Variants in CACNA1C observed in about 807,000 individuals in gnomAD.
The protein encoded by CACNA1C is calcium voltage-gated channel subunit alpha1 C.
CACNA1C carries 30 observed loss-of-function variants against 229.0 expected under a neutral mutation model. The observed-to-expected ratio is 0.13, with a 90% CI of 0.10 to 0.18. The LOEUF (loss-of-function observed/expected upper bound fraction) is 0.18, where lower values mean the gene tolerates loss of function less well. Among genes scored for constraint, CACNA1C ranks in the 10% least tolerant of loss-of-function variants. The pLI is 1.00. For missense variants in CACNA1C, 1,658 were observed against 2,845.0 expected, an observed-to-expected ratio of 0.58 and a Z score of 9.49; for synonymous variants, 1,114 against 1,132.5, an observed-to-expected ratio of 0.98 and a Z score of 0.33.
At chr12:2,355,675 C>T (rs2097340336) in intron 3 of CACNA1C, among the ~76,000 whole-genome samples, 1 of 152,214 alleles carries the variant, frequency 6.6e-6, no homozygotes, top group Non-Finnish European at 1.5e-5. Context: ...ATTTAACTTC[C>T]TATTACAGCT....
chr12:2,682,508 G>T (rs757929826), intron 42 of CACNA1C, 42 bp from the exon 43 acceptor site: 2 of 1,600,974 alleles, frequency 1.2e-6, no homozygotes, highest in South Asian at 1.1e-5. Context: ...GTGGAGGAAG[G>T]TTGGCAGTTT....
intron 3 of CACNA1C, among the ~76,000 whole-genome samples, chr12:2,228,342 T>C (rs1462097180): frequency 6.6e-6 from 1 of 152,202 alleles, no homozygotes; most frequent in African/African-American, 2.4e-5. Flanking sequence ...TAGGTACTTC[T>C]TTATCTTACA....
intron 3 of CACNA1C, among the ~76,000 whole-genome samples, chr12:2,150,356 C>T (rs2095126880): frequency 6.6e-6 from 1 of 152,210 alleles, no homozygotes; most frequent in Non-Finnish European, 1.5e-5. Flanking sequence ...TGAATGTCAC[C>T]TCCATTCCCC....
intron 1 of CACNA1C, among the ~76,000 whole-genome samples, chr12:2,036,303 C>T (rs1251044127): frequency 6.6e-6 from 1 of 152,186 alleles, no homozygotes; most frequent in Non-Finnish European, 1.5e-5. Context: ...CCACTCACAG[C>T]TGGACCTTCC....
At chr12:2,143,526 G>A (rs1442046053) in intron 3 of CACNA1C, among the ~76,000 whole-genome samples, 1 of 150,892 alleles carries the variant, frequency 6.6e-6, no homozygotes, top group African/African-American at 2.4e-5. Flanking sequence ...ACTTACCATT[G>A]TGCGACAGTT....
Position 2,275,591 on chromosome 12 carries a change from T to C in CACNA1C, c.477+155161T>C, listed in dbSNP as rs1010043514. Among the ~76,000 whole-genome samples, 4 of 151,954 alleles carry C rather than the reference T, an allele frequency of 2.6e-5. No individual in the cohort carries two copies. The highest frequency in any genetic ancestry group is 9.7e-5 in the African/African-American group (4 of 41,358). On this transcript the variant is annotated intron_variant, in intron 3 of 46. Transcript: ENST00000399655. This position sits in a 1 kb window ranked among gnomAD's most constrained non-coding sequence, Gnocchi z 4.1. ...GCACCTGCTTGTGGAGCCTGTGTCA[T>C]GGAAGAGAGGTGGCCTGACCACTCT... is the stretch of plus-strand genomic sequence containing the variant.
intron 7 of CACNA1C, among the ~76,000 whole-genome samples, chr12:2,501,468 G>T (rs954294124): frequency 6.6e-6 from 1 of 152,168 alleles, no homozygotes; most frequent in East Asian, 1.9e-4. Context: ...TACACAAGTA[G>T]GCGCTCGGTA....
intron 3 of CACNA1C, among the ~76,000 whole-genome samples, chr12:2,195,729 G>T (rs543074827): frequency 2.0e-5 from 3 of 152,268 alleles, no homozygotes; most frequent in African/African-American, 7.2e-5. Context: ...TATTACTCTA[G>T]CTCTCGCTCT....
chr12:2,643,611 C>CGCT (rs2093992314), intron 30 of CACNA1C, among the ~76,000 whole-genome samples: 2 of 152,258 alleles, frequency 1.3e-5, no homozygotes, highest in Admixed American at 1.3e-4. Context: ...TGTCTTGCCC[C>CGCT]GCTGCCATAC....
rs959565531 is a variant in CACNA1C at position 2,639,034 on chromosome 12, G to C, written c.3912+4654G>C. Among the ~76,000 whole-genome samples, 6 of 152,202 alleles carry C rather than the reference G, an allele frequency of 3.9e-5. No individual in the cohort carries two copies. Among genetic ancestry groups the C allele is most frequent in the African/African-American group, 4.8e-5 (2 of 41,444 alleles). Reference sequence around the variant, plus strand: ...CTCTGGCGCGAGGAGATCGGGACCCGCAAACTTCTGTTCATCTGGGAGATG... The same window carrying C: ...CTCTGGCGCGAGGAGATCGGGACCCCCAAACTTCTGTTCATCTGGGAGATG... On this transcript the variant is annotated intron_variant, in intron 30 of 46. Transcript: ENST00000399655. The surrounding 1 kb of genome is among the most constrained non-coding windows in gnomAD (Gnocchi z 4.2).
chr12:2,532,176 C>A (rs920333181), intron 9 of CACNA1C, among the ~76,000 whole-genome samples: 5 of 152,216 alleles, frequency 3.3e-5, no homozygotes, highest in African/African-American at 1.2e-4. Context: ...TCTTTTCCCA[C>A]CTCTTCTCCC....
intron 9 of CACNA1C, among the ~76,000 whole-genome samples, chr12:2,518,653 C>A (rs2099803239): frequency 6.6e-6 from 1 of 152,076 alleles, no homozygotes; most frequent in African/African-American, 2.4e-5. Flanking sequence ...ATCTAGATCT[C>A]TCGATACCTA....
chr12:1,974,540 G>GT (rs1565791499), intron 1 of CACNA1C, among the ~76,000 whole-genome samples: 1 of 152,076 alleles, frequency 6.6e-6, no homozygotes, highest in Non-Finnish European at 1.5e-5. Context: ...TTGACTACTT[G>GT]TTAGGCACTG....
At chr12:2,548,406 A>G (rs2099886713) in intron 9 of CACNA1C, among the ~76,000 whole-genome samples, 1 of 152,154 alleles carries the variant, frequency 6.6e-6, no homozygotes, top group South Asian at 2.1e-4. Context: ...AACATGCTAC[A>G]GGAGGTGTGA....
intron 3 of CACNA1C, among the ~76,000 whole-genome samples, chr12:2,158,561 A>G (rs2095666109): frequency 6.6e-6 from 1 of 152,174 alleles, no homozygotes; most frequent in Non-Finnish European, 1.5e-5. Flanking sequence ...GAAGAAATGT[A>G]TTACAAAAGG....
intron 1 of CACNA1C, among the ~76,000 whole-genome samples, chr12:2,063,592 C>T (rs1033890815): frequency 6.6e-6 from 1 of 152,198 alleles, no homozygotes; most frequent in Non-Finnish European, 1.5e-5. Flanking sequence ...AATTAGGGAG[C>T]TGGCTGTCAT....
chr12:2,680,017 C>T (rs1387239533), intron 42 of CACNA1C, among the ~76,000 whole-genome samples: 4 of 152,208 alleles, frequency 2.6e-5, no homozygotes, highest in South Asian at 2.1e-4. Flanking sequence ...CAGTGGCCTG[C>T]GGCGCTGGTT....
intron 3 of CACNA1C, among the ~76,000 whole-genome samples, chr12:2,162,244 C>T (rs2095904020): frequency 6.6e-6 from 1 of 151,952 alleles, no homozygotes; most frequent in African/African-American, 2.4e-5. Context: ...TCCACAAGCA[C>T]CTGACCACCA....
At chr12:2,307,933 C>T (rs922920614) in intron 3 of CACNA1C, among the ~76,000 whole-genome samples, 1 of 152,196 alleles carries the variant, frequency 6.6e-6, no homozygotes, top group African/African-American at 2.4e-5. Flanking sequence ...ACCTCTGGCT[C>T]TTTCCCCAGA....
Sources: gnomAD v4.1 joint callset for allele counts (sites outside exome capture counted in the v4.1 genomes callset) on GRCh38, gnomAD v4.1.1 for gene constraint, Gnocchi (gnomAD v3.1) non-coding constraint, MANE v1.5 for transcripts, NCBI Gene and HGNC (gene_info 2026-07-23, HGNC 2026-07-21) for gene names.